Variants in HMMR observed in about 807,000 individuals in gnomAD.
HMMR encodes the protein hyaluronan mediated motility receptor.
Under a neutral mutation model 101.0 loss-of-function variants are expected in HMMR, and 108 were observed. That is an observed-to-expected ratio of 1.07 (90% CI 0.92 to 1.25). The LOEUF (loss-of-function observed/expected upper bound fraction) is 1.25. HMMR is among the 50% of genes most tolerant of loss of function. The pLI is 0.00. For synonymous variants in HMMR, 296 were observed against 276.4 expected (o/e 1.07, Z -0.70); for missense variants, 813 against 788.7 (o/e 1.03, Z -0.37).
intron 1 of HMMR, 80 bp from the exon 2 acceptor site, chr5:163,463,776 A>G (rs1758614589): frequency 1.8e-6 from 1 of 554,126 alleles, no homozygotes. Flanking sequence ...TTACATTTAT[A>G]TTCACTTTAT....
intron 12 of HMMR, among the ~76,000 whole-genome samples, chr5:163,482,270 C>T (rs1759294782): frequency 6.6e-6 from 1 of 152,184 alleles, no homozygotes; most frequent in South Asian, 2.1e-4. Context: ...CCCACTGTGC[C>T]CTGCGGTGAT....
chr5:163,464,719 G>T lies in HMMR; in HGVS notation c.146-4G>T. The T allele has an allele frequency of 1.9e-6, 3 of 1,596,846 alleles. No individual in the cohort carries two copies. Among genetic ancestry groups the T allele is most frequent in the East Asian group, 2.2e-5 (1 of 44,776 alleles). ...CATGATCTGTACAATTCATTTTTCC[G>T]CAGAATCTAAACAAAATCTTAATGT... On this transcript the variant is annotated splice_region_variant and splice_polypyrimidine_tract_variant and intron_variant, in intron 2 of 17. Coordinates refer to ENST00000393915, the MANE Select transcript of HMMR (RefSeq NM_001142556.2).
In HMMR at chr5:163,471,353, T is replaced by G; in HGVS notation, c.550-10T>G. 1 of 1,613,462 alleles carries G rather than the reference T, an allele frequency of 6.2e-7. No individual in the cohort carries two copies. Among genetic ancestry groups the G allele is most frequent in the Non-Finnish European group, 8.5e-7 (1 of 1,179,456 alleles). ...TCTCATTTCCTAAAACAGGTATCTT[T>G]GTTGTGTAGGGTATGATGGCTAAGC... is the stretch of plus-strand genomic sequence containing the variant. On this transcript the variant is annotated splice_polypyrimidine_tract_variant and intron_variant, in intron 6 of 17. Transcript: ENST00000393915.
chr5:163,487,270 C>A (rs928407546), intron 16 of HMMR, among the ~76,000 whole-genome samples: 1 of 151,840 alleles, frequency 6.6e-6, no homozygotes, highest in Non-Finnish European at 1.5e-5. Flanking sequence ...ATTAATCTAA[C>A]CTTCTGAGAT....
chr5:163,472,339 A>T (rs1758924609), intron 7 of HMMR, among the ~76,000 whole-genome samples: 1 of 152,138 alleles, frequency 6.6e-6, no homozygotes, highest in African/African-American at 2.4e-5. Flanking sequence ...ATATACCTCC[A>T]TCTCTTTACT....
chr5:163,490,976 A>G (rs368343683), intron 17 of HMMR, 136 bp from the exon 18 acceptor site: 1 of 488,944 alleles, frequency 2.0e-6, no homozygotes, highest in African/African-American at 2.0e-5. Context: ...TTGAAATGAT[A>G]AATCTAAAAA....
At position 163,484,205 on chromosome 5, in the gene HMMR, A is replaced by AT. The variant is rs1237411602; in HGVS notation, c.1923dup (p.Val642CysfsTer7). ...CAGAATTTGAAACAAAAAATCAAGC[A>AT]TGTTGTGAAGTTGAAAGATGAAAAT... On this transcript the variant is annotated frameshift_variant, in exon 16 of 18. Coordinates refer to ENST00000393915, the MANE Select transcript of HMMR (RefSeq NM_001142556.2). LOFTEE classifies it high-confidence loss of function. 6 of 1,603,218 alleles carry AT rather than the reference A, an allele frequency of 3.7e-6. No individual in the cohort carries two copies. The African/African-American group carries it at 8.1e-5, about 22-fold the overall frequency.
At position 163,475,500 on chromosome 5, in the gene HMMR, G is replaced by C; in HGVS notation, c.1096G>C (p.Glu366Gln). The C allele has an allele frequency of 4.4e-6, 7 of 1,608,186 alleles. No homozygotes were observed. Among genetic ancestry groups the C allele is most frequent in the Non-Finnish European group, 6.0e-6 (7 of 1,176,372 alleles). The change falls in exon 11 of 18, where the codon GAG (glutamate) becomes CAG (glutamine). Residue 366 changes from glutamate to glutamine, a missense_variant. By Grantham distance (29) the Glu-to-Gln change is conservative. Transcript: ENST00000393915. ...TCATCAGAAGCTCTGTTCTTTTCAA[G>C]AGGAAATGGTTAAAGAGAAGAATCT... ...SLHQKLCSFQ[E>Q]EMVKEKNLFE...
At chr5:163,473,093 T>C in intron 7 of HMMR, 86 bp from the exon 8 acceptor site, 2 of 693,674 alleles carry the variant, frequency 2.9e-6, no homozygotes, top group Non-Finnish European at 5.1e-6. Context: ...GCCTGCCTGA[T>C]ACAGGAGTAT....
chr5:163,490,639 T>C, intron 17 of HMMR, 87 bp downstream of exon 17: 1 of 1,024,858 alleles, frequency 9.8e-7, no homozygotes, highest in South Asian at 1.4e-5. Context: ...TTATGAACTG[T>C]GAAAATTTGT....
intron 12 of HMMR, among the ~76,000 whole-genome samples, chr5:163,479,845 A>G (rs1759198553): frequency 6.6e-6 from 1 of 151,608 alleles, no homozygotes; most frequent in Admixed American, 6.6e-5. Context: ...CTCTATATCC[A>G]CTTCCTCACC....
Position 163,483,150 on chromosome 5 carries a change from C to A in HMMR, c.1663C>A (p.Gln555Lys). 6.2e-7 allele frequency: 1 copy of A among 1,611,352 alleles called. No homozygotes were observed. Among genetic ancestry groups the A allele is most frequent in the Non-Finnish European group, 8.5e-7 (1 of 1,179,258 alleles). ...LKQQEEDFRK[Q>K]LEDEEGRKAE... Reference sequence around the variant, plus strand: ...GCAACAGGAGGAAGACTTTAGAAAACAGCTGGAAGATGAAGAAGGAAGGTA... The same window carrying A: ...GCAACAGGAGGAAGACTTTAGAAAAAAGCTGGAAGATGAAGAAGGAAGGTA... The change falls in exon 14 of 18, where the codon CAG (glutamine) becomes AAG (lysine). Residue 555 changes from glutamine to lysine, a missense_variant. Coordinates refer to ENST00000393915, the MANE Select transcript of HMMR (RefSeq NM_001142556.2).
At chr5:163,485,498 ACTCTG>A (rs1347587270) in intron 16 of HMMR, among the ~76,000 whole-genome samples, 4 of 152,004 alleles carry the variant, frequency 2.6e-5, no homozygotes, top group African/African-American at 9.7e-5. Flanking sequence ...GTCTGTTTAT[ACTCTG>A]CTCATTTTTA....
intron 2 of HMMR, among the ~76,000 whole-genome samples, 196 bp from the exon 3 acceptor site, chr5:163,464,527 T>C (rs2113455167): frequency 6.6e-6 from 1 of 151,758 alleles, no homozygotes; most frequent in Non-Finnish European, 1.5e-5. Flanking sequence ...AGTGGGAGAG[T>C]TGCTTGAAAC....
chr5:163,482,473 C>T (rs2113503998), intron 12 of HMMR, among the ~76,000 whole-genome samples, 169 bp from the exon 13 acceptor site: 1 of 152,180 alleles, frequency 6.6e-6, no homozygotes, highest in South Asian at 2.1e-4. Context: ...GCCATGTAAA[C>T]TCATTAGTAC....
At position 163,475,536 on chromosome 5, in the gene HMMR, GA is replaced by G; in HGVS notation, c.1134del (p.Glu378AspfsTer2). 6.2e-7 allele frequency: 1 copy of G among 1,608,404 alleles called. No individual in the cohort carries two copies. Among genetic ancestry groups the G allele is most frequent in the South Asian group, 1.1e-5 (1 of 90,812 alleles). On this transcript the variant is annotated frameshift_variant, in exon 11 of 18. Transcript: ENST00000393915. LOFTEE classifies it high-confidence loss of function. ...TAAAGAGAAGAATCTGTTTGAGGAAGAATTAAAGCAAACACTGGATGAGCTT... is the reference window on the plus strand; with the variant it reads ...TAAAGAGAAGAATCTGTTTGAGGAAGATTAAAGCAAACACTGGATGAGCTT... ...MVKEKNLFEE[E>X]LKQTLDELDK... is the part of the protein sequence containing the mutation.
Position 163,484,224 on chromosome 5 carries a change from T to C in HMMR, c.1941T>C (p.Asp647=). The C allele has an allele frequency of 6.3e-7, 1 of 1,596,920 alleles. No individual in the cohort carries two copies. The highest frequency in any genetic ancestry group is 8.5e-7 in the Non-Finnish European group (1 of 1,171,766). The change falls in exon 16 of 18, where the codon GAT becomes GAC. Residue 647 remains aspartate (D), a synonymous_variant. Coordinates refer to ENST00000393915, the MANE Select transcript of HMMR (RefSeq NM_001142556.2). ...TCAAGCATGTTGTGAAGTTGAAAGATGAAAATAGCCAACTCAAATCGGTTT... is the reference window on the plus strand; with the variant it reads ...TCAAGCATGTTGTGAAGTTGAAAGACGAAAATAGCCAACTCAAATCGGTTT... ...QKIKHVVKLK[D]ENSQLKSEVS... is the part of the protein sequence containing the mutation.
intron 7 of HMMR, among the ~76,000 whole-genome samples, chr5:163,471,702 A>C (rs961688773): frequency 2.9e-4 from 44 of 152,196 alleles, no homozygotes; most frequent in African/African-American, 1.1e-3. Context: ...ATTAATGATG[A>C]GGAAAGATTT....
rs751650925 is a variant in HMMR, at chr5:163,484,086, T to G, written c.1803T>G (p.Phe601Leu). Residue 601 changes from phenylalanine to leucine, a missense_variant, in exon 16 of 18, where the codon TTT (phenylalanine) becomes TTG (leucine). Transcript: ENST00000393915. ...TTTTTCAGCTACAACTAGATGCTTT[T>G]GAAGTAGAAAAACAGGCATTGTTGA... Reference protein sequence around the residue: ...TKPFQLQLDAFEVEKQALLNE... With the variant: ...TKPFQLQLDALEVEKQALLNE... 6.3e-7 allele frequency: 1 copy of G among 1,594,454 alleles called. No homozygotes were observed. Among genetic ancestry groups the G allele is most frequent in the African/African-American group, 1.4e-5 (1 of 73,860 alleles).
Sources: gnomAD v4.1 joint callset for allele counts (sites outside exome capture counted in the v4.1 genomes callset) on GRCh38, gnomAD v4.1.1 for gene constraint, MANE v1.5 for transcripts, NCBI Gene and HGNC (gene_info 2026-07-23, HGNC 2026-07-21) for gene names.